Variants in SGK1 observed in about 807,000 individuals in gnomAD.
SGK1 encodes the protein serum/glucocorticoid regulated kinase 1.
Under a neutral mutation model 64.2 loss-of-function variants are expected in SGK1, and 26 were observed. The ratio of observed to expected loss-of-function variants is 0.40; its 90% confidence interval spans 0.30 to 0.56. The LOEUF (loss-of-function observed/expected upper bound fraction) is 0.56. Among genes scored for constraint, SGK1 ranks in the 20% least tolerant of loss-of-function variants. SGK1 has a pLI of 0.38. For missense variants in SGK1, 519 were observed against 645.6 expected (o/e 0.80, Z 2.12); for synonymous variants, 265 against 239.7 (o/e 1.11, Z -0.98).
chr6:134,174,639 C>T (rs1453863465), intron 3 of SGK1, 53 bp from the exon 4 acceptor site: 3 of 1,602,564 alleles, frequency 1.9e-6, no homozygotes, highest in Non-Finnish European at 2.6e-6. Context: ...TCATAACGTC[C>T]GGCGCCACAC....
chr6:134,191,708 G>A (rs1562245866), intron 3 of SGK1, among the ~76,000 whole-genome samples: 2 of 150,216 alleles, frequency 1.3e-5, no homozygotes, highest in Non-Finnish European at 3.0e-5. Context: ...TCACTCTGTC[G>A]CCCAGGCTGG....
intron 13 of SGK1, 37 bp downstream of exon 13, chr6:134,170,789 G>T: frequency 7.6e-7 from 1 of 1,310,488 alleles, no homozygotes. Context: ...AATGCCCTTT[G>T]GGCTTCTCTA....
intron 1 of SGK1, among the ~76,000 whole-genome samples, chr6:134,308,852 C>T (rs564529502): frequency 9.2e-5 from 14 of 152,258 alleles, no homozygotes; most frequent in African/African-American, 3.1e-4. Flanking sequence ...CTACCGTGCC[C>T]GGCAAGCCTA....
Position 134,219,568 on chromosome 6 carries a change from C to A in SGK1, c.286-12137G>T, listed in dbSNP as rs1776046834. On this transcript the variant is annotated intron_variant, in intron 2 of 13. Coordinates refer to ENST00000367858, the MANE Select transcript of SGK1 (RefSeq NM_001143676.3). ...CTGAGGTTGGGAGTTCGAGACCAGC[C>A]TGACCAACATGGAGAAATCCTGTCT... 2.0e-5 allele frequency among the ~76,000 whole-genome samples: 3 copies of A among 151,362 alleles called. No individual in the cohort carries two copies. In the South Asian group the frequency reaches 6.3e-4, roughly 32 times the overall value.
chr6:134,265,424 C>T (rs762136529), intron 1 of SGK1, among the ~76,000 whole-genome samples: 53 of 151,402 alleles, frequency 3.5e-4, no homozygotes, highest in Non-Finnish European at 7.5e-4. Flanking sequence ...CATGCCATTG[C>T]ACTCCAGCCT....
chr6:134,181,092 A>G (rs1287119337), intron 3 of SGK1, among the ~76,000 whole-genome samples: 1 of 152,172 alleles, frequency 6.6e-6, no homozygotes, highest in Non-Finnish European at 1.5e-5. Context: ...AGGTAAAACT[A>G]CGTGGGCATC....
intron 1 of SGK1, among the ~76,000 whole-genome samples, chr6:134,266,324 T>C (rs1776854285): frequency 6.6e-6 from 1 of 152,052 alleles, no homozygotes; most frequent in Admixed American, 6.6e-5. Context: ...AATATCTTTG[T>C]GAGGCCGGTT....
Position 134,170,214 on chromosome 6 carries a change from C to T in SGK1, c.*54G>A, listed in dbSNP as rs951165129. The T allele has an allele frequency of 6.6e-6, 10 of 1,504,504 alleles. No individual in the cohort carries two copies. The highest frequency in any genetic ancestry group is 3.9e-5 in the Admixed American group (2 of 50,788). The allele number at this position is 1,504,504 out of a possible 1,614,324, so 93.2% of individuals were successfully genotyped here. On this transcript the variant is annotated 3_prime_UTR_variant, in exon 14 of 14. Transcript: ENST00000367858. ...GCTGGCGGCTCCACCAAAAGGCTAACTAAAACATTCGGAAACACACATAAA... is the reference window on the plus strand; with the variant it reads ...GCTGGCGGCTCCACCAAAAGGCTAATTAAAACATTCGGAAACACACATAAA...
At chr6:134,230,046 C>A (rs1776252880) in intron 2 of SGK1, among the ~76,000 whole-genome samples, 1 of 152,142 alleles carries the variant, frequency 6.6e-6, no homozygotes, top group African/African-American at 2.4e-5. Context: ...TGGTAATTAA[C>A]AGGACTTGAC....
At chr6:134,179,676 A>G (rs994121241) in intron 3 of SGK1, among the ~76,000 whole-genome samples, 13 of 152,170 alleles carry the variant, frequency 8.5e-5, no homozygotes, top group Admixed American at 7.2e-4. Context: ...AAGATGTGAT[A>G]CAGTAGATAA....
At chr6:134,284,343 C>T (rs1033984944) in intron 1 of SGK1, among the ~76,000 whole-genome samples, 1 of 152,120 alleles carries the variant, frequency 6.6e-6, no homozygotes, top group Admixed American at 6.6e-5. Context: ...CTGCCCACCT[C>T]CTTGGCCTCT....
intron 2 of SGK1, among the ~76,000 whole-genome samples, chr6:134,219,644 C>G (rs953303816): frequency 2.0e-5 from 3 of 151,410 alleles, no homozygotes; most frequent in Non-Finnish European, 2.9e-5. Flanking sequence ...CCTGTAATCC[C>G]AGCTACTAGG....
chr6:134,264,153 C>T (rs1440299903), intron 1 of SGK1, among the ~76,000 whole-genome samples: 1 of 148,660 alleles, frequency 6.7e-6, no homozygotes, highest in Non-Finnish European at 1.5e-5. Context: ...GAGTCTCGCT[C>T]TGTTGCCCCT....
In SGK1 at chr6:134,212,214, C is replaced by T. The variant is rs886593881; in HGVS notation, c.286-4783G>A. On this transcript the variant is annotated intron_variant, in intron 2 of 13. Coordinates refer to ENST00000367858, the MANE Select transcript of SGK1 (RefSeq NM_001143676.3). ...GACTACAGGCGCCTGCCACCACGCC[C>T]GGCTAATTTTTTGTATTTTTAATAG... 1.9e-4 allele frequency among the ~76,000 whole-genome samples: 29 copies of T among 151,926 alleles called. No individual in the cohort carries two copies. In the South Asian group the frequency reaches 5.4e-3, roughly 28 times the overall value.
chr6:134,199,558 C>CAAAAAAAAAA (rs369760659), intron 3 of SGK1, among the ~76,000 whole-genome samples: 2 of 81,332 alleles, frequency 2.5e-5, no homozygotes, highest in Non-Finnish European at 4.5e-5. Context: ...GACTCTCTCT[C>CAAAAAAAAAA]AAAAAAAAAA....
chr6:134,270,834 T>A lies in SGK1; in HGVS notation c.70-8686A>T, dbSNP rs1345085335. On this transcript the variant is annotated intron_variant, in intron 1 of 13. Transcript: ENST00000367858. ...CCAGCTCCGTCTCTTCAGAGGACAGTGCTTGCCTGTTCTTCTAGCTCAGTA... is the reference window on the plus strand; with the variant it reads ...CCAGCTCCGTCTCTTCAGAGGACAGAGCTTGCCTGTTCTTCTAGCTCAGTA... Among the ~76,000 whole-genome samples, 9 of 148,128 alleles carry A rather than the reference T, an allele frequency of 6.1e-5. 2 individuals carry two copies. Among genetic ancestry groups the A allele is most frequent in the Non-Finnish European group, 1.3e-4 (9 of 66,808 alleles).
intron 1 of SGK1, among the ~76,000 whole-genome samples, chr6:134,265,853 G>A (rs1472004030): frequency 1.3e-5 from 2 of 151,528 alleles, no homozygotes; most frequent in Non-Finnish European, 2.9e-5. Flanking sequence ...GTCAAGCCAA[G>A]CTGGTTAGAA....
chr6:134,206,350 TATATATATATATATATATATATATATA>T (rs1775770748), intron 3 of SGK1, among the ~76,000 whole-genome samples: 3 of 10,736 alleles, frequency 2.8e-4, no homozygotes, highest in South Asian at 8.8e-3. Context: ...TATATATATA[TATATATATATATATATATATATATATA>T]TATATATTTT....
intron 2 of SGK1, among the ~76,000 whole-genome samples, chr6:134,235,963 T>G (rs899796447): frequency 9.2e-5 from 14 of 152,052 alleles, no homozygotes; most frequent in African/African-American, 3.1e-4. Flanking sequence ...AAACACAGCC[T>G]TAGGAAACGT....
Sources: allele counts gnomAD v4.1 joint callset (sites outside exome capture counted in the v4.1 genomes callset), GRCh38; gene constraint gnomAD v4.1.1; transcripts MANE v1.5; gene names NCBI Gene and HGNC (gene_info 2026-07-23, HGNC 2026-07-21).